EXOC4: variants seen among roughly 807,000 people sequenced by gnomAD.
The protein encoded by EXOC4 is SEC8-like 1.
EXOC4 carries 71 observed loss-of-function variants against 107.2 expected under a neutral mutation model. The ratio of observed to expected loss-of-function variants is 0.66; its 90% CI spans 0.55 to 0.81. EXOC4 has a LOEUF of 0.81. Ranked by LOEUF, EXOC4 falls within the 30% of genes least tolerant of loss-of-function variation. EXOC4 has a pLI of 0.00. For missense variants in EXOC4, 1,108 were observed against 1,189.6 expected, an observed-to-expected ratio of 0.93 and a Z score of 1.01; for synonymous variants, 456 against 441.2, an observed-to-expected ratio of 1.03 and a Z score of -0.42.
chr7:133,957,088 T>C (rs573115305), intron 14 of EXOC4, among the ~76,000 whole-genome samples: 85 of 152,344 alleles, frequency 5.6e-4, no homozygotes, highest in African/African-American at 2.0e-3. Flanking sequence ...ATGATCGTTA[T>C]ATTCATGGCT....
intron 5 of EXOC4, among the ~76,000 whole-genome samples, chr7:133,327,864 G>A (rs1795284703): frequency 6.6e-6 from 1 of 152,076 alleles, no homozygotes; most frequent in Admixed American, 6.5e-5. Flanking sequence ...CAATTGTGTG[G>A]TCACTTTTAG....
chr7:133,263,529 G>A lies in EXOC4; in HGVS notation c.86+10342G>A, dbSNP rs1415027378. On this transcript the variant is annotated intron_variant, in intron 1 of 17. Coordinates refer to ENST00000253861, the MANE Select transcript of EXOC4 (RefSeq NM_021807.4). Reference sequence around the variant, plus strand: ...CCGGAGTAGCGAGGACTACAGGTGTGTGCCACCATGCCCAGCTAGTTTTTG... The same window carrying A: ...CCGGAGTAGCGAGGACTACAGGTGTATGCCACCATGCCCAGCTAGTTTTTG... Among the ~76,000 whole-genome samples, 4 of 151,682 alleles carry A rather than the reference G, an allele frequency of 2.6e-5. No individual in the cohort carries two copies. The East Asian group carries it at 7.8e-4, about 29-fold the overall frequency.
chr7:133,413,456 T>C, intron 7 of EXOC4, among the ~76,000 whole-genome samples: 1 of 152,176 alleles, frequency 6.6e-6, no homozygotes, highest in Non-Finnish European at 1.5e-5. Flanking sequence ...CTTCCGTAGC[T>C]GAATCCCCTT....
chr7:133,634,364 T>G (rs1802657852), intron 10 of EXOC4, among the ~76,000 whole-genome samples: 1 of 152,238 alleles, frequency 6.6e-6, no homozygotes, highest in Middle Eastern at 3.2e-3. Context: ...TCTTAGAGAG[T>G]AAATTTCTGG....
chr7:133,994,754 G>A (rs548491669), intron 14 of EXOC4, among the ~76,000 whole-genome samples: 3 of 96,696 alleles, frequency 3.1e-5, no homozygotes, highest in Admixed American at 1.1e-4. Context: ...TATGTACAAG[G>A]TTTTGTGTGT....
chr7:133,324,297 G>A (rs1010219196), intron 5 of EXOC4, among the ~76,000 whole-genome samples: 1 of 152,048 alleles, frequency 6.6e-6, no homozygotes, highest in Non-Finnish European at 1.5e-5. Context: ...TTTTAATTGT[G>A]TTGTTAGGGT....
chr7:133,265,539 G>A (rs1793709641), intron 1 of EXOC4, among the ~76,000 whole-genome samples: 1 of 152,086 alleles, frequency 6.6e-6, no homozygotes, highest in Non-Finnish European at 1.5e-5. Flanking sequence ...CCCATTTTGA[G>A]TACTTTTAAG....
At chr7:133,924,361 G>C (rs1800005313) in intron 13 of EXOC4, among the ~76,000 whole-genome samples, 1 of 152,104 alleles carries the variant, frequency 6.6e-6, no homozygotes, top group South Asian at 2.1e-4. Context: ...TTTTATGCTT[G>C]ACAATGGGAT....
chr7:133,750,522 G>A (rs1394686772), intron 10 of EXOC4, among the ~76,000 whole-genome samples: 1 of 151,990 alleles, frequency 6.6e-6, no homozygotes, highest in Non-Finnish European at 1.5e-5. Context: ...CTATGGTGTA[G>A]GTAGTGTGCT....
intron 10 of EXOC4, among the ~76,000 whole-genome samples, chr7:133,711,908 C>CT (rs1794900498): frequency 6.6e-6 from 1 of 152,082 alleles, no homozygotes; most frequent in African/African-American, 2.4e-5. Flanking sequence ...TTATTTTTCT[C>CT]TTTGACTATC....
chr7:133,999,222 T>G (rs955369390), intron 15 of EXOC4, among the ~76,000 whole-genome samples: 1 of 152,214 alleles, frequency 6.6e-6, no homozygotes, highest in African/African-American at 2.4e-5. Context: ...AAGTCTTTAC[T>G]AGATTTAGAT....
At chr7:133,734,873 T>C (rs988564291) in intron 10 of EXOC4, among the ~76,000 whole-genome samples, 4 of 151,646 alleles carry the variant, frequency 2.6e-5, no homozygotes, top group Non-Finnish European at 5.9e-5. Flanking sequence ...TTTTGAAATA[T>C]TAGAGATTTA....
intron 11 of EXOC4, among the ~76,000 whole-genome samples, chr7:133,852,221 G>C (rs1189701092): frequency 7.1e-6 from 1 of 140,802 alleles, no homozygotes; most frequent in Non-Finnish European, 1.5e-5. Flanking sequence ...TCATTGTATA[G>C]AGCATTTTTT....
At chr7:133,985,371 AC>A (rs1794091094) in intron 14 of EXOC4, among the ~76,000 whole-genome samples, 1 of 152,006 alleles carries the variant, frequency 6.6e-6, no homozygotes, top group African/African-American at 2.4e-5. Flanking sequence ...AGGTAAAATC[AC>A]TCTGTGTACA....
chr7:133,424,427 G>C (rs1797678111), intron 7 of EXOC4, among the ~76,000 whole-genome samples: 1 of 151,842 alleles, frequency 6.6e-6, no homozygotes, highest in Non-Finnish European at 1.5e-5. Flanking sequence ...GCGAGACCAC[G>C]AACCCACCAA....
chr7:133,523,548 C>T (rs542763117), intron 9 of EXOC4, among the ~76,000 whole-genome samples: 199 of 151,676 alleles, frequency 1.3e-3, no homozygotes, highest in African/African-American at 4.4e-3. Flanking sequence ...CCCACTAACT[C>T]GTCATCTAGC....
chr7:133,480,225 G>T, intron 9 of EXOC4, 87 bp downstream of exon 9: 2 of 1,562,992 alleles, frequency 1.3e-6, no homozygotes, highest in East Asian at 2.3e-5. Flanking sequence ...GCATTCACAC[G>T]ATCCTTTCAA....
At chr7:133,573,912 T>G (rs1801075456) in intron 9 of EXOC4, among the ~76,000 whole-genome samples, 1 of 152,242 alleles carries the variant, frequency 6.6e-6, no homozygotes, top group Non-Finnish European at 1.5e-5. Flanking sequence ...TGTTGGGGAC[T>G]TCATGTATTT....
At chr7:133,459,174 A>G (rs1798532065) in intron 7 of EXOC4, among the ~76,000 whole-genome samples, 1 of 152,172 alleles carries the variant, frequency 6.6e-6, no homozygotes, top group African/African-American at 2.4e-5. Context: ...TTGGTATTTA[A>G]ATAGCATGCT....
Sources: allele counts gnomAD v4.1 joint callset (sites outside exome capture counted in the v4.1 genomes callset), GRCh38; gene constraint gnomAD v4.1.1; transcripts MANE v1.5; gene names NCBI Gene and HGNC (gene_info 2026-07-23, HGNC 2026-07-21).